The following ELOVL6 variants were observed in gnomAD, a reference collection of about 807,000 sequenced individuals.
ELOVL6 encodes ELOVL fatty acid elongase 6, also known as very long chain fatty acid elongase 6.
A neutral mutation model predicts 31.7 loss-of-function variants in ELOVL6; 8 were observed. The ratio of observed to expected loss-of-function variants is 0.25; its 90% CI spans 0.15 to 0.45. The LOEUF (loss-of-function observed/expected upper bound fraction) is 0.45, where lower values mean the gene tolerates loss of function less well. Ranked by LOEUF, ELOVL6 falls within the 20% of genes least tolerant of loss-of-function variation. The pLI is 1.00. For missense variants in ELOVL6, 126 were observed against 326.4 expected, an observed-to-expected ratio of 0.39 and a Z score of 4.73; for synonymous variants, 101 against 117.7, an observed-to-expected ratio of 0.86 and a Z score of 0.92.
intron 2 of ELOVL6, among the ~76,000 whole-genome samples, chr4:110,061,302 T>C (rs982151066): frequency 6.6e-6 from 1 of 152,168 alleles, no homozygotes; most frequent in Non-Finnish European, 1.5e-5. Context: ...TCCAGAACTT[T>C]CAGACACTTT....
At chr4:110,077,079 G>A (rs1200105131) in intron 2 of ELOVL6, among the ~76,000 whole-genome samples, 1 of 152,190 alleles carries the variant, frequency 6.6e-6, no homozygotes, top group Admixed American at 6.5e-5. Context: ...GGTAAACAAA[G>A]CAGCCAGCCA....
Position 110,124,533 on chromosome 4 carries a change from C to A in ELOVL6, c.90-18905G>T, listed in dbSNP as rs978482304. 5.9e-5 allele frequency among the ~76,000 whole-genome samples: 9 copies of A among 152,036 alleles called. 1 individual carries two copies. The highest frequency in any genetic ancestry group is 4.6e-4 in the Admixed American group (7 of 15,266). On this transcript the variant is annotated intron_variant, in intron 1 of 3. Coordinates refer to ENST00000302274, the MANE Select transcript of ELOVL6 (RefSeq NM_024090.3). Reference sequence around the variant, plus strand: ...GAACACATGGACACGAGGAAGGGAACAACACACACTGGGGCCTGTGGTACA... The same window carrying A: ...GAACACATGGACACGAGGAAGGGAAAAACACACACTGGGGCCTGTGGTACA...
intron 1 of ELOVL6, among the ~76,000 whole-genome samples, chr4:110,186,217 AAAAC>A (rs1759434552): frequency 6.6e-6 from 1 of 152,038 alleles, no homozygotes; most frequent in South Asian, 2.1e-4. Flanking sequence ...AACAAAAACA[AAAAC>A]AAACAGAAAA....
intron 2 of ELOVL6, among the ~76,000 whole-genome samples, chr4:110,084,178 A>G (rs1371359376): frequency 9.6e-6 from 1 of 104,596 alleles, no homozygotes; most frequent in African/African-American, 3.5e-5. Context: ...TATATATGAT[A>G]TATATAACAT....
chr4:110,054,138 T>C (rs116424144), intron 3 of ELOVL6, among the ~76,000 whole-genome samples: 1,547 of 152,234 alleles, frequency 0.01, 29 homozygotes, highest in African/African-American at 0.035. Context: ...ATAGGAAAGT[T>C]GTCAGTTGTT....
intron 1 of ELOVL6, among the ~76,000 whole-genome samples, chr4:110,189,496 G>C (rs1485975921): frequency 1.3e-5 from 2 of 148,898 alleles, no homozygotes; most frequent in African/African-American, 5.0e-5. Context: ...CTGAGGCAGG[G>C]GAACTGCTTG....
chr4:110,078,677 T>A (rs1172716750), intron 2 of ELOVL6, among the ~76,000 whole-genome samples: 3 of 152,162 alleles, frequency 2.0e-5, no homozygotes, highest in Non-Finnish European at 4.4e-5. Context: ...AGAAACTGCA[T>A]CAACTAATGA....
chr4:110,139,580 G>A lies in ELOVL6; in HGVS notation c.90-33952C>T, dbSNP rs555399260. On this transcript the variant is annotated intron_variant, in intron 1 of 3. Coordinates refer to ENST00000302274, the MANE Select transcript of ELOVL6 (RefSeq NM_024090.3). ...CTCCATTTTTTGTCTTTTTTCAGACGTATTTTGGAAGCAAAGGAGAGAATT... is the reference window on the plus strand; with the variant it reads ...CTCCATTTTTTGTCTTTTTTCAGACATATTTTGGAAGCAAAGGAGAGAATT... 7.2e-5 allele frequency among the ~76,000 whole-genome samples: 11 copies of A among 152,110 alleles called. No homozygotes were observed. In the South Asian group the frequency reaches 1.7e-3, roughly 23 times the overall value.
chr4:110,092,910 G>A lies in ELOVL6; in HGVS notation c.221+12587C>T, dbSNP rs75919594. On this transcript the variant is annotated intron_variant, in intron 2 of 3. Transcript: ENST00000302274. ...TATACAAACTGTAATCCCTAACTAT[G>A]TCTTAATTCAAAACAATCCTTAACA... Among the ~76,000 whole-genome samples, 24 of 152,206 alleles carry A rather than the reference G, an allele frequency of 1.6e-4. No homozygotes were observed. The East Asian group carries it at 4.6e-3, about 29-fold the overall frequency.
At chr4:110,100,142 A>G (rs1329338584) in intron 2 of ELOVL6, among the ~76,000 whole-genome samples, 1 of 104,836 alleles carries the variant, frequency 9.5e-6, no homozygotes, top group Non-Finnish European at 1.9e-5. Flanking sequence ...CATACTGGCC[A>G]TATTTATAAA....
chr4:110,084,911 T>C (rs1241595711), intron 2 of ELOVL6, among the ~76,000 whole-genome samples: 1 of 151,784 alleles, frequency 6.6e-6, no homozygotes, highest in Non-Finnish European at 1.5e-5. Context: ...GATATATTAA[T>C]AGCAAGGAAG....
intron 1 of ELOVL6, among the ~76,000 whole-genome samples, chr4:110,120,195 C>T (rs1022946605): frequency 2.0e-5 from 3 of 152,106 alleles, no homozygotes; most frequent in Admixed American, 6.6e-5. Flanking sequence ...AGGTAGCAAT[C>T]GCTCTGGATA....
In ELOVL6 at chr4:110,059,638, G is replaced by A. The variant is rs971144735; in HGVS notation, c.338C>T (p.Ala113Val). The change falls in exon 3 of 4, where the codon GCT (alanine) becomes GTT (valine). Residue 113 changes from alanine to valine, a missense_variant. By Grantham distance (64) the Ala-to-Val change is moderately conservative. Transcript: ENST00000302274. ...TGCTTTGCTTAGCACAAATGCATAA[G>A]CCCAGAATTTGCTGACAGGTCCATT... ...FYNGPVSKFW[A>V]YAFVLSKAPE... The A allele has an allele frequency of 1.9e-6, 3 of 1,613,982 alleles. No homozygotes were observed. The highest frequency in any genetic ancestry group is 1.3e-5 in the African/African-American group (1 of 74,930).
chr4:110,133,338 T>C (rs1332364287), intron 1 of ELOVL6, among the ~76,000 whole-genome samples: 1 of 152,242 alleles, frequency 6.6e-6, no homozygotes, highest in African/African-American at 2.4e-5. Context: ...AGTTCCTGCA[T>C]GCCAGGTGTT....
chr4:110,067,145 TC>T (rs1755329720), intron 2 of ELOVL6, among the ~76,000 whole-genome samples: 1 of 152,362 alleles, frequency 6.6e-6, no homozygotes, highest in African/African-American at 2.4e-5. Context: ...TTGTAATTTT[TC>T]TGATAGTTTT....
chr4:110,136,753 T>C (rs1021650021), intron 1 of ELOVL6, among the ~76,000 whole-genome samples: 1 of 152,214 alleles, frequency 6.6e-6, no homozygotes, highest in Non-Finnish European at 1.5e-5. Context: ...TTTGTAAAGC[T>C]GCTGTTTCAG....
intron 3 of ELOVL6, among the ~76,000 whole-genome samples, chr4:110,058,160 C>T (rs1014849678): frequency 2.0e-4 from 30 of 152,068 alleles, no homozygotes; most frequent in African/African-American, 6.5e-4. Context: ...GATAAAGTTG[C>T]CATTCTATTT....
Position 110,079,916 on chromosome 4 carries a change from C to T in ELOVL6, c.222-20162G>A, listed in dbSNP as rs192580175. Among the ~76,000 whole-genome samples, 347 of 152,180 alleles carry T rather than the reference C, an allele frequency of 2.3e-3. 2 individuals are homozygous for T. The highest frequency in any genetic ancestry group is 7.1e-3 in the African/African-American group (293 of 41,500). On this transcript the variant is annotated intron_variant, in intron 2 of 3. Coordinates refer to ENST00000302274, the MANE Select transcript of ELOVL6 (RefSeq NM_024090.3). Reference sequence around the variant, plus strand: ...AAAAATGATAAAGGGGATATCACCACCGATCCCACAGAAATACAAACTACC... The same window carrying T: ...AAAAATGATAAAGGGGATATCACCATCGATCCCACAGAAATACAAACTACC...
intron 3 of ELOVL6, 62 bp downstream of exon 3, chr4:110,059,540 TA>T: frequency 6.7e-7 from 1 of 1,494,812 alleles, no homozygotes; most frequent in South Asian, 1.4e-5. Context: ...CTTTGCTCAC[TA>T]AATAAATACT....
Sources: allele counts gnomAD v4.1 joint callset (sites outside exome capture counted in the v4.1 genomes callset), GRCh38; gene constraint gnomAD v4.1.1; transcripts MANE v1.5; gene names NCBI Gene and HGNC (gene_info 2026-07-23, HGNC 2026-07-21).